The following GRAMD1C variants were observed in gnomAD, a reference collection of about 807,000 sequenced individuals.
GRAMD1C encodes the protein protein Aster-C.
A neutral mutation model predicts 97.8 loss-of-function variants in GRAMD1C; 89 were observed. That is an observed-to-expected ratio of 0.91 (90% CI 0.77 to 1.09). The LOEUF is 1.09. Ranked by LOEUF, GRAMD1C falls within the 50% of genes least tolerant of loss-of-function variation. The pLI, the probability that GRAMD1C is intolerant of heterozygous loss-of-function variation, is 0.00. For missense variants in GRAMD1C, 740 were observed against 766.4 expected (o/e 0.97, Z 0.41); for synonymous variants, 256 against 267.0 (o/e 0.96, Z 0.40).
chr3:113,855,659 C>T (rs370124095), intron 2 of GRAMD1C, among the ~76,000 whole-genome samples: 5 of 150,200 alleles, frequency 3.3e-5, no homozygotes, highest in Non-Finnish European at 7.4e-5. Flanking sequence ...GAGCTGAGAT[C>T]ACACCACTGT....
At chr3:113,906,542 T>C (rs1407776405) in intron 8 of GRAMD1C, among the ~76,000 whole-genome samples, 1 of 152,198 alleles carries the variant, frequency 6.6e-6, no homozygotes, top group East Asian at 1.9e-4. Flanking sequence ...CTGTCCAGTG[T>C]GTTTGTGGTC....
At chr3:113,869,810 T>C (rs1934723117) in intron 3 of GRAMD1C, among the ~76,000 whole-genome samples, 1 of 152,198 alleles carries the variant, frequency 6.6e-6, no homozygotes, top group South Asian at 2.1e-4. Flanking sequence ...TCATGTTTAT[T>C]GTAGCACTAT....
intron 2 of GRAMD1C, chr3:113,850,335 G>A (rs1933841085): frequency 1.4e-5 from 10 of 737,088 alleles, no homozygotes; most frequent in Middle Eastern, 3.9e-4. Flanking sequence ...TTGGCACCAG[G>A]GGGCACAAAA....
chr3:113,844,780 A>C (rs1376107724), intron 2 of GRAMD1C, 131 bp downstream of exon 2: 1 of 616,352 alleles, frequency 1.6e-6, no homozygotes, highest in African/African-American at 1.9e-5. Context: ...TTTAGTCCAG[A>C]GTCCCAAAGA....
chr3:113,933,658 G>C lies in GRAMD1C; in HGVS notation c.1352+5G>C. 3.1e-6 allele frequency: 5 copies of C among 1,597,430 alleles called. No individual in the cohort carries two copies. In the South Asian group the frequency reaches 5.5e-5, roughly 18 times the overall value. ...AAAACAGAAATGCAGGCTAAGGTGA[G>C]CTGCTGTACATGAATGTGTTAGGAT... is the stretch of plus-strand genomic sequence containing the variant. On this transcript the variant is annotated splice_donor_5th_base_variant and intron_variant, in intron 12 of 17. Transcript: ENST00000358160.
intron 10 of GRAMD1C, among the ~76,000 whole-genome samples, chr3:113,921,585 C>T (rs1937057101): frequency 6.6e-6 from 1 of 152,186 alleles, no homozygotes; most frequent in Non-Finnish European, 1.5e-5. Context: ...AAGCAGTGTA[C>T]AAGCATTCCT....
intron 2 of GRAMD1C, among the ~76,000 whole-genome samples, chr3:113,849,009 C>T (rs1428198514): frequency 6.6e-6 from 1 of 151,066 alleles, no homozygotes; most frequent in African/African-American, 2.4e-5. Flanking sequence ...CCAAAAAACT[C>T]TTAAAACAAA....
upstream of GRAMD1C, among the ~76,000 whole-genome samples, chr3:113,834,326 C>T (rs974156962): frequency 1.3e-5 from 2 of 152,062 alleles, no homozygotes; most frequent in African/African-American, 4.8e-5. Context: ...ATTACAGGCG[C>T]CTGCCACCAC....
intron 10 of GRAMD1C, among the ~76,000 whole-genome samples, chr3:113,924,057 T>A (rs1223274703): frequency 2.6e-5 from 4 of 151,772 alleles, no homozygotes; most frequent in Non-Finnish European, 4.4e-5. Flanking sequence ...TTTTCTAGTT[T>A]TTGTGCATAG....
At position 113,936,341 on chromosome 3, in the gene GRAMD1C, G is replaced by A; in HGVS notation, c.1532G>A (p.Arg511Lys). The change falls in exon 14 of 18, where the codon AGG (arginine) becomes AAG (lysine). Residue 511 changes from arginine to lysine, a missense_variant. Arg to Lys is a conservative substitution (Grantham distance 26). Transcript: ENST00000358160. ...CCTGGAAAACTTACTGGCCTACGAA[G>A]GAGAAGGCGAACCTTCAACCGAACA... is the stretch of plus-strand genomic sequence containing the variant. ...EDPGKLTGLR[R>K]RRRTFNRTAE... is the part of the protein sequence containing the mutation. 6.2e-7 allele frequency: 1 copy of A among 1,611,156 alleles called. No individual in the cohort carries two copies. The highest frequency in any genetic ancestry group is 8.5e-7 in the Non-Finnish European group (1 of 1,177,490).
chr3:113,922,791 G>A (rs1937107581), intron 10 of GRAMD1C, among the ~76,000 whole-genome samples: 1 of 152,138 alleles, frequency 6.6e-6, no homozygotes, highest in Non-Finnish European at 1.5e-5. Flanking sequence ...TTTTAGAATA[G>A]TTTTTTCCTA....
chr3:113,925,879 T>G (rs77544615), intron 10 of GRAMD1C, among the ~76,000 whole-genome samples: 6,542 of 152,302 alleles, frequency 0.043, 184 homozygotes, highest in African/African-American at 0.072. Context: ...TCTTTAAGAA[T>G]GTTGAATATA....
At chr3:113,913,598 G>GT (rs1936693484) in intron 9 of GRAMD1C, among the ~76,000 whole-genome samples, 1 of 152,134 alleles carries the variant, frequency 6.6e-6, no homozygotes, top group East Asian at 1.9e-4. Flanking sequence ...TGCAAAGGCT[G>GT]TTTGGCTTTA....
At chr3:113,905,826 G>T (rs1381260882) in intron 8 of GRAMD1C, among the ~76,000 whole-genome samples, 1 of 152,082 alleles carries the variant, frequency 6.6e-6, no homozygotes, top group East Asian at 1.9e-4. Flanking sequence ...CTCCTGAGTA[G>T]CTGGGACTAC....
Position 113,838,856 on chromosome 3 carries a change from G to T in GRAMD1C, c.-54G>T, listed in dbSNP as rs549655436. ...CAGCGCGCGCTGGAGGTGGGCGCGG[G>T]GCGGTGCGGTGCGGTGCGCGCGGGG... On this transcript the variant is annotated 5_prime_UTR_variant, in exon 1 of 18. Transcript: ENST00000358160. The T allele has an allele frequency of 1.7e-6, 2 of 1,207,668 alleles. No individual in the cohort carries two copies. Among genetic ancestry groups the T allele is most frequent in the Non-Finnish European group, 2.1e-6 (2 of 966,558 alleles). The allele number at this position is 1,207,668 out of a possible 1,614,324, so 74.8% of individuals were successfully genotyped here.
upstream of GRAMD1C, among the ~76,000 whole-genome samples, chr3:113,836,477 G>C (rs1209998927): frequency 6.6e-6 from 1 of 150,660 alleles, no homozygotes; most frequent in Non-Finnish European, 1.5e-5. Context: ...ATTCATCTTC[G>C]TGGAAGCATT....
intron 2 of GRAMD1C, among the ~76,000 whole-genome samples, chr3:113,856,843 A>ATT (rs71144093): frequency 1.6e-4 from 23 of 140,882 alleles, no homozygotes; most frequent in East Asian, 8.4e-4. Flanking sequence ...CCAGCTGCCT[A>ATT]TTTTTTTTTT....
intron 2 of GRAMD1C, chr3:113,850,848 C>CA (rs925815987): frequency 7.7e-6 from 3 of 390,112 alleles, no homozygotes; most frequent in Non-Finnish European, 1.3e-5. Flanking sequence ...GTCACCCAGG[C>CA]AGGAGTGCAG....
intron 13 of GRAMD1C, among the ~76,000 whole-genome samples, chr3:113,936,045 C>T (rs1937572173): frequency 1.3e-5 from 2 of 152,036 alleles, no homozygotes; most frequent in South Asian, 4.1e-4. Flanking sequence ...CTCTGATGAG[C>T]CCATCATTTA....
Sources: gnomAD v4.1 joint callset for allele counts (sites outside exome capture counted in the v4.1 genomes callset) on GRCh38, gnomAD v4.1.1 for gene constraint, MANE v1.5 for transcripts, NCBI Gene and HGNC (gene_info 2026-07-23, HGNC 2026-07-21) for gene names.